The following CFHR4 variants were observed in gnomAD, a reference collection of about 807,000 sequenced individuals.
CFHR4 encodes complement factor H related 4, also known as complement factor H-related protein 4.
In CFHR4, 64 loss-of-function variants were observed where a neutral mutation model predicts 69.3. That is an observed-to-expected ratio of 0.92 (90% confidence interval 0.76 to 1.14). The LOEUF (loss-of-function observed/expected upper bound fraction) is 1.14. CFHR4 is among the 50% of genes most tolerant of loss of function. The pLI is 0.00. For synonymous variants in CFHR4, 244 were observed against 237.0 expected (o/e 1.03, Z -0.27); for missense variants, 636 against 684.9 (o/e 0.93, Z 0.80).
chr1:196,900,154 T>C (rs1657518592), intron 1 of CFHR4, among the ~76,000 whole-genome samples: 1 of 151,256 alleles, frequency 6.6e-6, no homozygotes, highest in African/African-American at 2.4e-5. Context: ...ACTATAAAAA[T>C]TAGTGAGTAT....
At chr1:196,906,014 T>C (rs1657891784) in intron 3 of CFHR4, among the ~76,000 whole-genome samples, 1 of 151,510 alleles carries the variant, frequency 6.6e-6, no homozygotes, top group Non-Finnish European at 1.5e-5. Context: ...TCTTTAGGCA[T>C]TCACCAAGAT....
rs78438158 is a variant in CFHR4, at chr1:196,900,248, A to T, written c.59-2170A>T. 1.7e-3 allele frequency among the ~76,000 whole-genome samples: 260 copies of T among 151,258 alleles called. 7 individuals carry two copies. The highest frequency in any genetic ancestry group is 5.8e-3 in the African/African-American group (236 of 41,024). On this transcript the variant is annotated intron_variant, in intron 1 of 9. Transcript: ENST00000608469. The stretch of plus-strand genomic sequence containing the variant: ...TGTGAGTCTACAATTCACATGGTAG[A>T]AGACTAAGAAATAGAATGAGGCTGC...
chr1:196,893,835 A>G lies in CFHR4; in HGVS notation c.58+5627A>G, dbSNP rs1301503090. Among the ~76,000 whole-genome samples the G allele has an allele frequency of 3.3e-5, 5 of 151,542 alleles. 1 individual carries two copies. The highest frequency in any genetic ancestry group is 7.4e-5 in the Non-Finnish European group (5 of 67,944). On this transcript the variant is annotated intron_variant, in intron 1 of 9. Transcript: ENST00000608469. The stretch of plus-strand genomic sequence containing the variant: ...TTCCCAAATCTCAGTAGCTTAATAA[A>G]CCAAAGTTTATGTCTTGTTCACACT...
intron 6 of CFHR4, among the ~76,000 whole-genome samples, chr1:196,911,325 A>C (rs925390599): frequency 6.6e-6 from 1 of 151,634 alleles, no homozygotes; most frequent in Non-Finnish European, 1.5e-5. Context: ...GAATAGCACA[A>C]AATAAATAGA....
chr1:196,895,621 GCTTT>G (rs1395522972), intron 1 of CFHR4, among the ~76,000 whole-genome samples: 2 of 150,412 alleles, frequency 1.3e-5, no homozygotes, highest in African/African-American at 4.9e-5. Context: ...TCCTTTTCAG[GCTTT>G]CTATCCCTTT....
At chr1:196,891,491 C>G (rs116834609) in intron 1 of CFHR4, among the ~76,000 whole-genome samples, 2,693 of 151,360 alleles carry the variant, frequency 0.018, 145 homozygotes, top group African/African-American at 0.06. Context: ...AGTTCTGTAA[C>G]TAGCAAACGC....
rs1358962233 is a variant in CFHR4, at chr1:196,899,859, TA to T, written c.59-2556del. Among the ~76,000 whole-genome samples the T allele has an allele frequency of 2.0e-5, 3 of 151,588 alleles. 1 individual carries two copies. The highest frequency in any genetic ancestry group is 4.4e-5 in the Non-Finnish European group (3 of 67,974). ...TTTATCAAGTAGTTTGCAGTTTTATTAAATGTTTTACCTGATTATCAGATAC... is the reference window on the plus strand; with the variant it reads ...TTTATCAAGTAGTTTGCAGTTTTATTAATGTTTTACCTGATTATCAGATAC... On this transcript the variant is annotated intron_variant, in intron 1 of 9. Transcript: ENST00000608469.
At chr1:196,912,642 T>G in intron 6 of CFHR4, 98 bp from the exon 7 acceptor site, 2 of 1,306,800 alleles carry the variant, frequency 1.5e-6, no homozygotes, top group Non-Finnish European at 2.0e-6. Flanking sequence ...TAACAAATGT[T>G]TCATTGTTTT....
intron 4 of CFHR4, 124 bp from the exon 5 acceptor site, chr1:196,907,192 T>A: frequency 8.2e-7 from 1 of 1,218,776 alleles, no homozygotes; most frequent in Non-Finnish European, 1.2e-6. Flanking sequence ...AAAAAAAGGT[T>A]GAAAATACAA....
intron 6 of CFHR4, among the ~76,000 whole-genome samples, chr1:196,911,186 T>A (rs1658252075): frequency 2.0e-5 from 3 of 151,610 alleles, no homozygotes; most frequent in Non-Finnish European, 4.4e-5. Context: ...TGAATATATG[T>A]CTTTTTTATT....
intron 1 of CFHR4, among the ~76,000 whole-genome samples, chr1:196,900,658 A>T (rs1571424684): frequency 6.6e-6 from 1 of 151,554 alleles, no homozygotes; most frequent in Admixed American, 6.6e-5. Flanking sequence ...AAGCTTGTCC[A>T]AGGTGGAATT....
Position 196,905,131 on chromosome 1 carries a change from G to A in CFHR4, c.280G>A (p.Glu94Lys). The A allele has an allele frequency of 6.2e-7, 1 of 1,601,312 alleles. No individual in the cohort carries two copies. Among genetic ancestry groups the A allele is most frequent in the South Asian group, 1.1e-5 (1 of 88,564 alleles). ...AGGAACATGCTCAAAATCAGATGTA[G>A]AAATTGAAAATGGATTCATTTCTGA... ...CLRTCSKSDV[E>K]IENGFISESS... Residue 94 changes from glutamate to lysine, a missense_variant, in exon 3 of 10, where the codon GAA becomes AAA. Glu to Lys is a moderately conservative substitution (Grantham distance 56). Around this residue, in one of 3 missense-constraint regions of CFHR4, gnomAD observed 529 missense variants for 533.2 expected, o/e 0.99. Coordinates refer to ENST00000608469, the MANE Select transcript of CFHR4 (RefSeq NM_001201550.3).
At chr1:196,894,889 A>AAACAACAAC (rs56866921) in intron 1 of CFHR4, among the ~76,000 whole-genome samples, 117,981 of 148,876 alleles carry the variant, frequency 0.79, 47,555 homozygotes, top group East Asian at 0.84. Context: ...CTGTCTCTAA[A>AAACAACAAC]AACAACAACA....
intron 9 of CFHR4, among the ~76,000 whole-genome samples, chr1:196,917,349 A>C (rs2124981065): frequency 6.6e-6 from 1 of 152,046 alleles, no homozygotes; most frequent in African/African-American, 2.4e-5. Context: ...TGATAGGTAC[A>C]GCAAACCACC....
intron 1 of CFHR4, among the ~76,000 whole-genome samples, chr1:196,892,108 A>G (rs1370533239): frequency 6.6e-6 from 1 of 151,602 alleles, no homozygotes; most frequent in Non-Finnish European, 1.5e-5. Flanking sequence ...AGTTTTAGAT[A>G]AGCTGAGTTT....
chr1:196,896,876 C>G (rs1375777899), intron 1 of CFHR4, among the ~76,000 whole-genome samples: 1 of 151,520 alleles, frequency 6.6e-6, no homozygotes, highest in East Asian at 1.9e-4. Flanking sequence ...AATAGAATAA[C>G]AAGCTAATGA....
chr1:196,893,427 A>AAG, intron 1 of CFHR4, among the ~76,000 whole-genome samples: 1 of 151,568 alleles, frequency 6.6e-6, no homozygotes, highest in Admixed American at 6.6e-5. Context: ...TTGGTGGTAG[A>AAG]AGAGTTGATC....
chr1:196,906,189 AAT>A (rs1247208045), intron 3 of CFHR4, among the ~76,000 whole-genome samples: 3 of 151,558 alleles, frequency 2.0e-5, no homozygotes, highest in African/African-American at 7.3e-5. Flanking sequence ...GAATCTCAAA[AAT>A]ATTAATCTAA....
Position 196,888,543 on chromosome 1 carries a change from T to A in CFHR4, c.58+335T>A, listed in dbSNP as rs374771515. On this transcript the variant is annotated intron_variant, in intron 1 of 9. Transcript: ENST00000608469. ...ATTCTAACCTTAAAATGTTCAGAAT[T>A]TTCTTATTCATAATACAAGGGAAAC... is the stretch of plus-strand genomic sequence containing the variant. Among the ~76,000 whole-genome samples the A allele has an allele frequency of 4.7e-4, 71 of 151,422 alleles. 2 individuals carry two copies. In the South Asian group the frequency reaches 0.015, roughly 31 times the overall value.
Sources: allele counts gnomAD v4.1 joint callset (sites outside exome capture counted in the v4.1 genomes callset), GRCh38; gene constraint gnomAD v4.1.1; regional missense constraint gnomAD v4.1.1; transcripts MANE v1.5; gene names NCBI Gene and HGNC (gene_info 2026-07-23, HGNC 2026-07-21).